The following DCAF8 variants were observed in gnomAD, a reference collection of about 807,000 sequenced individuals.
DCAF8 encodes the protein DDB1- and CUL4-associated factor 8.
DCAF8 carries 20 observed loss-of-function variants against 68.0 expected under a neutral mutation model. The ratio of observed to expected loss-of-function variants is 0.29; its 90% CI spans 0.21 to 0.43. The LOEUF is 0.43. Among genes scored for constraint, DCAF8 ranks in the 20% least tolerant of loss-of-function variants. DCAF8 has a pLI of 1.00. For synonymous variants in DCAF8, 230 were observed against 276.9 expected (o/e 0.83, Z 1.68); for missense variants, 460 against 771.0 (o/e 0.60, Z 4.78).
intron 11 of DCAF8, among the ~76,000 whole-genome samples, chr1:160,221,542 G>T (rs1354295124): frequency 6.6e-6 from 1 of 152,130 alleles, no homozygotes; most frequent in East Asian, 1.9e-4. Context: ...TAAGGAATGG[G>T]ATCCTGATTG....
chr1:160,248,605 C>G (rs371456521), intron 2 of DCAF8, among the ~76,000 whole-genome samples: 79 of 151,246 alleles, frequency 5.2e-4, no homozygotes, highest in African/African-American at 1.9e-3. Flanking sequence ...CATGATGGTG[C>G]GTGCCTGTAA....
At chr1:160,238,251 AC>A (rs1163953136) in intron 5 of DCAF8, among the ~76,000 whole-genome samples, 1 of 152,228 alleles carries the variant, frequency 6.6e-6, no homozygotes, top group Non-Finnish European at 1.5e-5. Flanking sequence ...TGAAGCTCTC[AC>A]ACAAGAGGAA....
At chr1:160,238,008 C>T (rs959119719) in intron 5 of DCAF8, among the ~76,000 whole-genome samples, 5 of 152,146 alleles carry the variant, frequency 3.3e-5, no homozygotes, top group African/African-American at 4.8e-5. Flanking sequence ...TATCCTGGGC[C>T]GCCTTGGCTA....
intron 6 of DCAF8, 113 bp downstream of exon 6, chr1:160,237,022 C>A: frequency 1.5e-6 from 1 of 676,274 alleles, no homozygotes; most frequent in Non-Finnish European, 2.4e-6. Context: ...ACCTCTTAAC[C>A]ATAGGCACAA....
intron 2 of DCAF8, among the ~76,000 whole-genome samples, chr1:160,259,662 C>A (rs969074984): frequency 6.6e-6 from 1 of 151,996 alleles, no homozygotes; most frequent in African/African-American, 2.4e-5. Flanking sequence ...TATAGCCCAA[C>A]AAGAAGGAAA....
intron 2 of DCAF8, among the ~76,000 whole-genome samples, chr1:160,247,923 T>C (rs1391667970): frequency 6.6e-6 from 1 of 152,176 alleles, no homozygotes; most frequent in African/African-American, 2.4e-5. Flanking sequence ...GAAAATAACC[T>C]TTGTGACCTT....
chr1:160,253,646 T>G, intron 2 of DCAF8, among the ~76,000 whole-genome samples: 1 of 21,764 alleles, frequency 4.6e-5, no homozygotes. Flanking sequence ...AGACTCCATC[T>G]CAAAAAAAAA....
intron 3 of DCAF8, among the ~76,000 whole-genome samples, chr1:160,242,097 T>C (rs1656137647): frequency 6.6e-6 from 1 of 151,988 alleles, no homozygotes; most frequent in South Asian, 2.1e-4. Context: ...TACAAAAAAT[T>C]AGCCGGGCGT....
At chr1:160,217,826 GC>G (rs972301931) in intron 13 of DCAF8, 118 bp from the exon 14 acceptor site, 2 of 730,726 alleles carry the variant, frequency 2.7e-6, no homozygotes, top group Non-Finnish European at 4.7e-6. Context: ...TTCTTAAAGG[GC>G]CAGAGAGTAA....
chr1:160,239,858 C>T lies in DCAF8; in HGVS notation c.562G>A (p.Gly188Arg). 6 of 1,614,272 alleles carry T rather than the reference C, an allele frequency of 3.7e-6. No individual in the cohort carries two copies. Among genetic ancestry groups the T allele is most frequent in the Non-Finnish European group, 5.1e-6 (6 of 1,180,052 alleles). The change falls in exon 4 of 14, where the codon GGG becomes AGG. Residue 188 changes from glycine to arginine, a missense_variant. Physicochemically the swap from Gly to Arg is moderately radical, Grantham distance 125. This residue lies in a region of DCAF8 where 170 missense variants were observed against 318.2 expected (regional missense o/e 0.53). Transcript: ENST00000368074. ...VFVQRFRLQH[G>R]LEGHTGCVNT... ...ACACAACCAGTATGGCCCTCAAGCC[C>T]ATGCTGCAGGCGGAAACGCTGCACA...
chr1:160,217,790 CT>C, intron 13 of DCAF8, 82 bp from the exon 14 acceptor site: 1 of 1,100,240 alleles, frequency 9.1e-7, no homozygotes, highest in Non-Finnish European at 1.4e-6. Flanking sequence ...AATTTAGATG[CT>C]TTAGGCCAGA....
Position 160,215,826 on chromosome 1 carries a change from T to C in DCAF8, c.*1766A>G. On this transcript the variant is annotated 3_prime_UTR_variant, in exon 14 of 14. Coordinates refer to ENST00000368074, the MANE Select transcript of DCAF8 (RefSeq NM_015726.4). ...AGCAATAGGAACACAGACCACTCGA[T>C]CACCACACATTCCCTACCTCAGGGA... is the stretch of plus-strand genomic sequence containing the variant. The C allele has an allele frequency of 6.6e-6, 1 of 152,288 alleles. No homozygotes were observed. The allele number at this position is 152,288 out of a possible 1,614,324, so 9.4% of individuals were successfully genotyped here.
intron 2 of DCAF8, among the ~76,000 whole-genome samples, chr1:160,260,019 C>G (rs1454734602): frequency 1.3e-5 from 2 of 151,108 alleles, no homozygotes; most frequent in Non-Finnish European, 2.9e-5. Context: ...AAAATGTGTT[C>G]TAAGGCAAAA....
At chr1:160,243,865 C>T (rs1656216530) in intron 3 of DCAF8, 95 bp downstream of exon 3, 3 of 1,251,184 alleles carry the variant, frequency 2.4e-6, no homozygotes, top group Admixed American at 1.9e-5. Flanking sequence ...GTTTCCCTCT[C>T]TCCACTAAAA....
chr1:160,236,254 T>TCTCACA (rs1553196343), intron 6 of DCAF8, among the ~76,000 whole-genome samples: 1 of 56,226 alleles, frequency 1.8e-5, no homozygotes, highest in Non-Finnish European at 4.7e-5. Flanking sequence ...TGCTGAGGCA[T>TCTCACA]CACACACAAA....
At chr1:160,225,928 C>A (rs1051477550) in intron 7 of DCAF8, among the ~76,000 whole-genome samples, 2 of 152,152 alleles carry the variant, frequency 1.3e-5, no homozygotes, top group African/African-American at 4.8e-5. Flanking sequence ...ACTGCAACCT[C>A]CGCCTCATGG....
At chr1:160,230,685 T>A (rs183526925) in intron 7 of DCAF8, among the ~76,000 whole-genome samples, 1 of 152,344 alleles carries the variant, frequency 6.6e-6, no homozygotes, top group Admixed American at 6.5e-5. Flanking sequence ...ACTAATATAG[T>A]ACTTGCTGGT....
In DCAF8 at chr1:160,240,137, C is replaced by A. The variant is rs772868623; in HGVS notation, c.283G>T (p.Val95Phe). 1 of 1,613,840 alleles carries A rather than the reference C, an allele frequency of 6.2e-7. No homozygotes were observed. The highest frequency in any genetic ancestry group is 1.3e-5 in the African/African-American group (1 of 74,932). ...GHYSINDENR[V>F]HDRSEEEEEE... Reference sequence around the variant, plus strand: ...TCCTCTTCCTCTGAGCGGTCATGGACTCGATTTTCATCATTAATGGAGTAA... The same window carrying A: ...TCCTCTTCCTCTGAGCGGTCATGGAATCGATTTTCATCATTAATGGAGTAA... The change falls in exon 4 of 14, where the codon GTC becomes TTC. Residue 95 changes from valine (V) to phenylalanine (F), a missense_variant. Val to Phe is a conservative substitution (Grantham distance 50). This residue lies in a region of DCAF8 where 156 missense variants were observed against 181.4 expected (regional missense o/e 0.86). Transcript: ENST00000368074.
Position 160,222,647 on chromosome 1 carries a change from T to A in DCAF8, c.1440+4A>T. ...AGCCAGCCAGCTCAGCACACCATACTCACCACGCCTCCCTTGTCCCCCTCC... is the reference window on the plus strand; with the variant it reads ...AGCCAGCCAGCTCAGCACACCATACACACCACGCCTCCCTTGTCCCCCTCC... On this transcript the variant is annotated splice_donor_region_variant and intron_variant, in intron 11 of 13. Transcript: ENST00000368074. The A allele has an allele frequency of 6.2e-7, 1 of 1,613,994 alleles. No homozygotes were observed.
Sources: allele counts gnomAD v4.1 joint callset (sites outside exome capture counted in the v4.1 genomes callset), GRCh38; gene constraint gnomAD v4.1.1; regional missense constraint gnomAD v4.1.1; transcripts MANE v1.5; gene names NCBI Gene and HGNC (gene_info 2026-07-23, HGNC 2026-07-21).